Variants in CNTN4 observed in about 807,000 individuals in gnomAD.
CNTN4 encodes contactin 4.
A neutral mutation model predicts 122.5 loss-of-function variants in CNTN4; 77 were observed. That is an observed-to-expected ratio of 0.63 (90% CI 0.52 to 0.76). The LOEUF (loss-of-function observed/expected upper bound fraction) is 0.76, where lower values mean the gene tolerates loss of function less well. CNTN4 is among the 30% of genes least tolerant of loss of function. The pLI is 0.00. For synonymous variants in CNTN4, 512 were observed against 447.0 expected, an observed-to-expected ratio of 1.15 and a Z score of -1.83; for missense variants, 1,256 against 1,259.1, an observed-to-expected ratio of 1.00 and a Z score of 0.04.
At chr3:2,774,138 G>A (rs955688551) in intron 6 of CNTN4, among the ~76,000 whole-genome samples, 6 of 152,016 alleles carry the variant, frequency 3.9e-5, no homozygotes, top group Non-Finnish European at 7.4e-5. Context: ...GCTCACACCT[G>A]TAGTCCCAGT....
intron 2 of CNTN4, among the ~76,000 whole-genome samples, chr3:2,208,694 C>T (rs2038473130): frequency 6.6e-6 from 1 of 152,086 alleles, no homozygotes; most frequent in Non-Finnish European, 1.5e-5. Context: ...TCTATCTATG[C>T]AGCAAACATT....
At chr3:2,526,634 CAT>C (rs1354504382) in intron 3 of CNTN4, among the ~76,000 whole-genome samples, 1 of 152,056 alleles carries the variant, frequency 6.6e-6, no homozygotes, top group African/African-American at 2.4e-5. Flanking sequence ...GTAAACCAAT[CAT>C]GTACTTTTTT....
chr3:2,107,181 G>C (rs552848428), intron 2 of CNTN4, among the ~76,000 whole-genome samples: 1 of 152,104 alleles, frequency 6.6e-6, no homozygotes, highest in Non-Finnish European at 1.5e-5. Context: ...AGCTCTATCT[G>C]TTACCCAATT....
At chr3:2,286,365 G>C (rs1473984061) in intron 2 of CNTN4, among the ~76,000 whole-genome samples, 2 of 149,792 alleles carry the variant, frequency 1.3e-5, no homozygotes, top group African/African-American at 4.9e-5. Context: ...TTTTTTTTAA[G>C]TATATAGGAA....
intron 14 of CNTN4, among the ~76,000 whole-genome samples, chr3:2,995,742 C>G (rs1201425256): frequency 6.6e-6 from 1 of 152,028 alleles, no homozygotes; most frequent in African/African-American, 2.4e-5. Flanking sequence ...CTAACAGTAC[C>G]TTTTGTTGGT....
At chr3:2,384,347 G>T (rs541388949) in intron 3 of CNTN4, among the ~76,000 whole-genome samples, 23 of 152,214 alleles carry the variant, frequency 1.5e-4, no homozygotes, top group African/African-American at 5.1e-4. Context: ...GCCGTGGCAT[G>T]CTTCCACCAA....
chr3:2,462,097 C>A lies in CNTN4; in HGVS notation c.-88-109319C>A, dbSNP rs537329729. Among the ~76,000 whole-genome samples the A allele has an allele frequency of 1.6e-4, 24 of 152,160 alleles. No individual in the cohort carries two copies. In the East Asian group the frequency reaches 4.6e-3, roughly 29 times the overall value. On this transcript the variant is annotated intron_variant, in intron 3 of 24. Coordinates refer to ENST00000418658, the MANE Select transcript of CNTN4 (RefSeq NM_175607.3). ...CCATCCTCAAGTACACAAGATAGACCCTTACAATAAATAATTATTTGTCCT... is the reference window on the plus strand; with the variant it reads ...CCATCCTCAAGTACACAAGATAGACACTTACAATAAATAATTATTTGTCCT...
chr3:2,819,698 C>A, intron 7 of CNTN4, 117 bp downstream of exon 7: 1 of 829,668 alleles, frequency 1.2e-6, no homozygotes, highest in Admixed American at 2.0e-5. Context: ...TTCCCAAAGC[C>A]CCTCCATGTG....
chr3:2,508,901 C>T (rs1417913998), intron 3 of CNTN4, among the ~76,000 whole-genome samples: 1 of 152,164 alleles, frequency 6.6e-6, no homozygotes, highest in African/African-American at 2.4e-5. Flanking sequence ...ATTATAAACA[C>T]TTCATATTTT....
intron 6 of CNTN4, among the ~76,000 whole-genome samples, chr3:2,777,074 A>G (rs965174275): frequency 3.9e-5 from 6 of 152,116 alleles, no homozygotes; most frequent in Non-Finnish European, 7.4e-5. Context: ...TCTGCCTCCC[A>G]GGTTCAGGCA....
In CNTN4 at chr3:2,483,265, C is replaced by T. The variant is rs148399803; in HGVS notation, c.-88-88151C>T. On this transcript the variant is annotated intron_variant, in intron 3 of 24. Coordinates refer to ENST00000418658, the MANE Select transcript of CNTN4 (RefSeq NM_175607.3). ...TTTAGACTTGCCTGGGGCCTGCAGC[C>T]GCTTTGTTTTGGCCAATGTCTTCCA... Among the ~76,000 whole-genome samples the T allele has an allele frequency of 2.6e-3, 400 of 152,236 alleles. 1 individual carries two copies. Among genetic ancestry groups the T allele is most frequent in the African/African-American group, 3.2e-3 (135 of 41,546 alleles).
chr3:2,790,374 A>G (rs1209694784), intron 6 of CNTN4, among the ~76,000 whole-genome samples: 1 of 152,238 alleles, frequency 6.6e-6, no homozygotes, highest in East Asian at 1.9e-4. Context: ...TCCATCAGGT[A>G]AATGACCCAG....
At chr3:2,779,380 G>A (rs931681295) in intron 6 of CNTN4, among the ~76,000 whole-genome samples, 45 of 152,086 alleles carry the variant, frequency 3.0e-4, no homozygotes, top group African/African-American at 1.1e-3. Flanking sequence ...TTTTATTTTT[G>A]TAGAGGCTGG....
At chr3:3,033,653 A>T (rs1038916180) in intron 16 of CNTN4, among the ~76,000 whole-genome samples, 4 of 152,144 alleles carry the variant, frequency 2.6e-5, no homozygotes, top group African/African-American at 9.7e-5. Flanking sequence ...ATGTCCCCTC[A>T]CCATCACCTT....
At chr3:2,779,115 G>A (rs900235590) in intron 6 of CNTN4, among the ~76,000 whole-genome samples, 9 of 152,138 alleles carry the variant, frequency 5.9e-5, no homozygotes, top group African/African-American at 1.7e-4. Context: ...AGCAAGCCAC[G>A]TTTTTATGAT....
chr3:3,044,970 C>G (rs1019110919), intron 23 of CNTN4, among the ~76,000 whole-genome samples: 2 of 152,238 alleles, frequency 1.3e-5, no homozygotes, highest in African/African-American at 4.8e-5. Flanking sequence ...GAGATTATAT[C>G]CCATGCATGG....
At chr3:2,524,193 C>T (rs2149176295) in intron 3 of CNTN4, among the ~76,000 whole-genome samples, 2 of 152,206 alleles carry the variant, frequency 1.3e-5, no homozygotes, top group Middle Eastern at 6.8e-3. Context: ...ATCTCTTTCT[C>T]TGTGCCTCGT....
chr3:2,368,197 A>C (rs1441130058), intron 3 of CNTN4, among the ~76,000 whole-genome samples: 1 of 71,262 alleles, frequency 1.4e-5, no homozygotes, highest in South Asian at 5.4e-4. Context: ...ACGCCCAGCT[A>C]ATTTTTTTGT....
At position 2,617,419 on chromosome 3, in the gene CNTN4, C is replaced by CTTTTTTTTTT. The variant is rs71058631; in HGVS notation, c.55+45871_55+45880dup. On this transcript the variant is annotated intron_variant, in intron 4 of 24. Coordinates refer to ENST00000418658, the MANE Select transcript of CNTN4 (RefSeq NM_175607.3). ...ACATCACTGATCTTTAGAGAAATGCCTTTTTTTTTTTTTTTTTTTGAGACA... is the reference window on the plus strand; with the variant it reads ...ACATCACTGATCTTTAGAGAAATGCCTTTTTTTTTTTTTTTTTTTTTTTTTTTTTGAGACA... 1.4e-3 allele frequency among the ~76,000 whole-genome samples: 156 copies of CTTTTTTTTTT among 108,500 alleles called. 1 individual carries two copies. Among genetic ancestry groups the CTTTTTTTTTT allele is most frequent in the Non-Finnish European group, 1.7e-3 (99 of 56,590 alleles). The allele number at this position is 108,500 out of a possible 152,430, so 71.2% of individuals were successfully genotyped here.
Sources: allele counts gnomAD v4.1 joint callset (sites outside exome capture counted in the v4.1 genomes callset), GRCh38; gene constraint gnomAD v4.1.1; transcripts MANE v1.5; gene names NCBI Gene and HGNC (gene_info 2026-07-23, HGNC 2026-07-21).